Variants in FSTL5 observed in about 807,000 individuals in gnomAD.
The protein encoded by FSTL5 is follistatin like 5, also known as follistatin-related protein 5.
FSTL5 carries 62 observed loss-of-function variants against 89.1 expected under a neutral mutation model. That is an observed-to-expected ratio of 0.70 (90% CI 0.57 to 0.86). FSTL5 has a LOEUF of 0.86. Ranked by LOEUF, FSTL5 falls within the 40% of genes least tolerant of loss-of-function variation. FSTL5 has a pLI of 0.00. For synonymous variants in FSTL5, 383 were observed against 346.2 expected (o/e 1.11, Z -1.18); for missense variants, 1,057 against 1,001.6 (o/e 1.06, Z -0.75).
At chr4:161,442,468 G>A (rs1732806112) in intron 15 of FSTL5, among the ~76,000 whole-genome samples, 1 of 152,046 alleles carries the variant, frequency 6.6e-6, no homozygotes, top group Admixed American at 6.6e-5. Context: ...ACCATCATAT[G>A]GTATTATTCA....
chr4:162,143,834 G>A (rs146379418), intron 1 of FSTL5, among the ~76,000 whole-genome samples: 1,908 of 142,124 alleles, frequency 0.013, 25 homozygotes, highest in Non-Finnish European at 0.018. Flanking sequence ...AAACACACAC[G>A]GCAGGAAAAA....
chr4:161,805,681 T>A (rs1474377778), intron 4 of FSTL5, among the ~76,000 whole-genome samples: 1 of 152,118 alleles, frequency 6.6e-6, no homozygotes, highest in African/African-American at 2.4e-5. Context: ...AGGCAATACA[T>A]GTCACTGAAC....
chr4:162,135,723 A>G (rs184039108), intron 1 of FSTL5, among the ~76,000 whole-genome samples: 239 of 152,226 alleles, frequency 1.6e-3, no homozygotes, highest in African/African-American at 5.5e-3. Context: ...TTATCTTTGT[A>G]GTCTAGCACC....
intron 7 of FSTL5, among the ~76,000 whole-genome samples, chr4:161,601,902 GTA>G (rs1389151536): frequency 2.0e-5 from 3 of 151,744 alleles, no homozygotes; most frequent in East Asian, 3.9e-4. Flanking sequence ...CACAGAATAT[GTA>G]CATTTCAACT....
intron 6 of FSTL5, among the ~76,000 whole-genome samples, chr4:161,706,966 A>C (rs530768756): frequency 6.6e-6 from 1 of 152,108 alleles, no homozygotes; most frequent in South Asian, 2.1e-4. Context: ...AAATATTTAC[A>C]TATGTAGAAC....
chr4:161,604,247 G>A (rs1411306010), intron 7 of FSTL5, among the ~76,000 whole-genome samples: 1 of 151,952 alleles, frequency 6.6e-6, no homozygotes, highest in African/African-American at 2.4e-5. Flanking sequence ...ACATTATTAT[G>A]CAAAAACCTA....
chr4:161,858,803 T>C (rs1309521287), intron 4 of FSTL5, among the ~76,000 whole-genome samples: 3 of 152,200 alleles, frequency 2.0e-5, no homozygotes, highest in Non-Finnish European at 4.4e-5. Context: ...GCCTCTCTCC[T>C]GCCTAGAGCT....
intron 6 of FSTL5, among the ~76,000 whole-genome samples, chr4:161,725,410 A>T (rs1336854767): frequency 6.6e-6 from 1 of 152,074 alleles, no homozygotes; most frequent in Non-Finnish European, 1.5e-5. Flanking sequence ...GACTGTCTTT[A>T]AATACTGTCA....
chr4:162,139,096 A>G (rs547430458), intron 1 of FSTL5, among the ~76,000 whole-genome samples: 1 of 151,992 alleles, frequency 6.6e-6, no homozygotes, highest in South Asian at 2.1e-4. Flanking sequence ...TGTTTTTTAA[A>G]TTTTACATTC....
intron 7 of FSTL5, among the ~76,000 whole-genome samples, chr4:161,595,275 G>T (rs1002598568): frequency 1.3e-5 from 2 of 152,024 alleles, no homozygotes; most frequent in Non-Finnish European, 2.9e-5. Flanking sequence ...AGCCATGGTT[G>T]AGAGTTATGA....
At chr4:161,499,894 G>T in intron 12 of FSTL5, 122 bp downstream of exon 12, 1 of 645,118 alleles carries the variant, frequency 1.6e-6, no homozygotes, top group South Asian at 1.8e-5. Context: ...AATATCATGG[G>T]TTTCATAATT....
intron 8 of FSTL5, among the ~76,000 whole-genome samples, chr4:161,568,430 ATCT>A (rs1732892661): frequency 6.6e-6 from 1 of 152,182 alleles, no homozygotes; most frequent in Non-Finnish European, 1.5e-5. Flanking sequence ...CTTAGAGCTG[ATCT>A]TCTTTACAGT....
chr4:161,738,603 G>C (rs1739900102), intron 6 of FSTL5, among the ~76,000 whole-genome samples: 1 of 152,054 alleles, frequency 6.6e-6, no homozygotes, highest in Admixed American at 6.6e-5. Flanking sequence ...TCAAACTGTA[G>C]CTTGAATTAT....
chr4:162,071,239 T>C (rs887112041), intron 2 of FSTL5, among the ~76,000 whole-genome samples: 1 of 151,628 alleles, frequency 6.6e-6, no homozygotes, highest in Non-Finnish European at 1.5e-5. Context: ...AACTGTATGC[T>C]GCCTATAAGA....
At chr4:161,511,248 T>G (rs1186514136) in intron 10 of FSTL5, among the ~76,000 whole-genome samples, 1 of 152,164 alleles carries the variant, frequency 6.6e-6, no homozygotes, top group East Asian at 1.9e-4. Context: ...TAAAACTTAA[T>G]GACTTTTTTT....
chr4:161,422,996 C>T (rs1732041054), intron 15 of FSTL5, among the ~76,000 whole-genome samples: 1 of 152,132 alleles, frequency 6.6e-6, no homozygotes, highest in Non-Finnish European at 1.5e-5. Context: ...TTTTAGCTTG[C>T]TATAAATTCA....
intron 3 of FSTL5, among the ~76,000 whole-genome samples, chr4:161,950,525 C>T (rs781062418): frequency 1.3e-5 from 2 of 152,178 alleles, no homozygotes; most frequent in Non-Finnish European, 2.9e-5. Flanking sequence ...TGCCTCCAGG[C>T]ATCTTTCCCA....
intron 5 of FSTL5, among the ~76,000 whole-genome samples, chr4:161,763,285 A>AAT (rs982984662): frequency 1.8e-4 from 28 of 152,272 alleles, no homozygotes; most frequent in African/African-American, 6.5e-4. Context: ...TATAGTAGTA[A>AAT]ATATATATAT....
At chr4:161,596,489 T>A (rs1486005692) in intron 7 of FSTL5, among the ~76,000 whole-genome samples, 3 of 151,896 alleles carry the variant, frequency 2.0e-5, no homozygotes, top group East Asian at 3.8e-4. Flanking sequence ...AATAATTTAA[T>A]TATATTTTAT....
Sources: allele counts gnomAD v4.1 joint callset (sites outside exome capture counted in the v4.1 genomes callset), GRCh38; gene constraint gnomAD v4.1.1; transcripts MANE v1.5; gene names NCBI Gene and HGNC (gene_info 2026-07-23, HGNC 2026-07-21).